COL21A1: variants seen among roughly 807,000 people sequenced by gnomAD.
COL21A1 encodes the protein collagen type XXI alpha 1 chain, also known as collagen alpha-1(XXI) chain.
COL21A1 carries 149 observed loss-of-function variants against 137.9 expected under a neutral mutation model. That is an observed-to-expected ratio of 1.08 (90% CI 0.95 to 1.24). The LOEUF (loss-of-function observed/expected upper bound fraction) is 1.24, where lower values mean the gene tolerates loss of function less well. Among genes scored for constraint, COL21A1 ranks in the 50% most tolerant of loss-of-function variants. The pLI, the probability that COL21A1 is intolerant of heterozygous loss-of-function variation, is 0.00. For missense variants in COL21A1, 1,167 were observed against 1,158.4 expected, an observed-to-expected ratio of 1.01 and a Z score of -0.11; for synonymous variants, 456 against 391.5, an observed-to-expected ratio of 1.16 and a Z score of -1.95.
At chr6:56,253,913 C>T (rs1388648270) in intron 1 of COL21A1, among the ~76,000 whole-genome samples, 1 of 152,168 alleles carries the variant, frequency 6.6e-6, no homozygotes, top group Non-Finnish European at 1.5e-5. Flanking sequence ...GCAAGTCTTA[C>T]TTCGGAAAGC....
chr6:56,168,135 C>A lies in COL21A1; in HGVS notation c.1189G>T (p.Glu397Ter). 1 of 1,518,832 alleles carries A rather than the reference C, an allele frequency of 6.6e-7. No homozygotes were observed. The highest frequency in any genetic ancestry group is 1.3e-5 in the South Asian group (1 of 76,444). The allele number at this position is 1,518,832 out of a possible 1,614,324, so 94.1% of individuals were successfully genotyped here. Residue 397 changes from glutamate to a stop codon, truncating the protein, a stop_gained, in exon 6 of 30, where the codon GAA becomes TAA. Coordinates refer to ENST00000244728, the MANE Select transcript of COL21A1 (RefSeq NM_030820.4). LOFTEE classifies it high-confidence loss of function. ...TQIGKYSGKE[E>*]TVQFDVQKLR... ...CATTATTTATCTACCTGAACAGTTT[C>A]TTCTTTTCCAGAATATTTTCCAATT... is the stretch of plus-strand genomic sequence containing the variant.
chr6:56,117,211 C>G (rs1031664647), intron 16 of COL21A1, among the ~76,000 whole-genome samples: 4 of 151,816 alleles, frequency 2.6e-5, no homozygotes, highest in African/African-American at 7.3e-5. Context: ...AAACACACTT[C>G]ACCTATAAAG....
chr6:56,298,998 A>G (rs1229709637), intron 1 of COL21A1, among the ~76,000 whole-genome samples: 1 of 152,136 alleles, frequency 6.6e-6, no homozygotes, highest in Non-Finnish European at 1.5e-5. Flanking sequence ...ACAGAATCAA[A>G]TAATTTTCTT....
intron 9 of COL21A1, among the ~76,000 whole-genome samples, chr6:56,158,266 C>CTTTTTTT (rs67453245): frequency 4.3e-4 from 27 of 62,402 alleles, no homozygotes; most frequent in East Asian, 1.1e-3. Flanking sequence ...TTTTTTTTTT[C>CTTTTTTT]TTTTTTTTTT....
intron 1 of COL21A1, among the ~76,000 whole-genome samples, chr6:56,224,686 G>A (rs1017997541): frequency 2.0e-5 from 3 of 151,870 alleles, no homozygotes; most frequent in African/African-American, 7.3e-5. Flanking sequence ...CGACATTATG[G>A]GCCGTTCTTT....
At chr6:56,210,989 TA>T (rs902429852) in intron 1 of COL21A1, among the ~76,000 whole-genome samples, 15 of 151,400 alleles carry the variant, frequency 9.9e-5, no homozygotes, top group Admixed American at 7.3e-4. Context: ...ATTCACCATT[TA>T]AAAAAAATGT....
chr6:56,303,628 G>A (rs192401581), intron 1 of COL21A1, among the ~76,000 whole-genome samples: 2 of 152,076 alleles, frequency 1.3e-5, no homozygotes, highest in South Asian at 4.2e-4. Flanking sequence ...AAGGAGATTT[G>A]GGGCTGAGAC....
chr6:56,348,260 T>C (rs1278782304), intron 1 of COL21A1, among the ~76,000 whole-genome samples: 1 of 152,220 alleles, frequency 6.6e-6, no homozygotes, highest in East Asian at 1.9e-4. Flanking sequence ...AGTAGAGACA[T>C]AAGGGCACAT....
At chr6:56,307,244 C>T (rs537604933) in intron 1 of COL21A1, among the ~76,000 whole-genome samples, 2 of 152,208 alleles carry the variant, frequency 1.3e-5, no homozygotes, top group Non-Finnish European at 2.9e-5. Flanking sequence ...CTACTCTCTT[C>T]AAAGCTGTAA....
intron 1 of COL21A1, among the ~76,000 whole-genome samples, chr6:56,345,719 G>A (rs1343181980): frequency 6.6e-6 from 1 of 152,238 alleles, no homozygotes; most frequent in Admixed American, 6.5e-5. Context: ...GAGCCAGTGT[G>A]TCTTTCAACA....
At chr6:56,201,211 G>A (rs1158745071) in intron 1 of COL21A1, among the ~76,000 whole-genome samples, 4 of 152,140 alleles carry the variant, frequency 2.6e-5, no homozygotes, top group Non-Finnish European at 5.9e-5. Flanking sequence ...TTAGCCCTTT[G>A]TCAGATGAGT....
intron 3 of COL21A1, among the ~76,000 whole-genome samples, chr6:56,177,719 G>T (rs577619169): frequency 2.7e-5 from 4 of 150,934 alleles, no homozygotes; most frequent in Admixed American, 2.0e-4. Flanking sequence ...ATGAACCCGG[G>T]AGGCGGAGCT....
intron 9 of COL21A1, among the ~76,000 whole-genome samples, chr6:56,157,291 T>C (rs562066850): frequency 2.5e-4 from 37 of 148,320 alleles, no homozygotes; most frequent in Non-Finnish European, 4.7e-4. Flanking sequence ...ATGATAGCAA[T>C]ATTTGACTCA....
intron 1 of COL21A1, among the ~76,000 whole-genome samples, chr6:56,335,922 C>G (rs1765321574): frequency 6.6e-6 from 1 of 152,166 alleles, no homozygotes; most frequent in Non-Finnish European, 1.5e-5. Flanking sequence ...CTGTGAGAGT[C>G]TGGGGGACTC....
At chr6:56,248,702 C>T (rs1351271954), upstream of COL21A1, among the ~76,000 whole-genome samples, 1 of 152,182 alleles carries the variant, frequency 6.6e-6, no homozygotes, top group African/African-American at 2.4e-5. Context: ...AAAGAAATGC[C>T]TTCTTCAATA....
In COL21A1 at chr6:56,326,385, A is replaced by G. The variant is rs538920157; in HGVS notation, c.-39+67586T>C. Among the ~76,000 whole-genome samples the G allele has an allele frequency of 5.9e-5, 9 of 151,882 alleles. No homozygotes were observed. The South Asian group carries it at 1.2e-3, about 21-fold the overall frequency. ...TCAAATAACCTGGAAAATTATAAAA[A>G]TGTATTGAGTTAGAAGCAAAAGGAT... On this transcript the variant is annotated intron_variant, in intron 1 of 28. Transcript: ENST00000370819.
intron 1 of COL21A1, among the ~76,000 whole-genome samples, chr6:56,339,497 G>C: frequency 6.6e-6 from 1 of 152,132 alleles, no homozygotes; most frequent in Non-Finnish European, 1.5e-5. Flanking sequence ...AAAAACAAAA[G>C]AGTTTTGAAT....
chr6:56,301,858 C>CCT (rs74644682), intron 1 of COL21A1, among the ~76,000 whole-genome samples: 23 of 151,460 alleles, frequency 1.5e-4, no homozygotes, highest in Non-Finnish European at 2.2e-4. Context: ...TATTTCTCCC[C>CCT]CCCCCAATCC....
intron 17 of COL21A1, among the ~76,000 whole-genome samples, chr6:56,084,312 C>G (rs938005465): frequency 6.6e-6 from 1 of 151,408 alleles, no homozygotes; most frequent in South Asian, 2.1e-4. Context: ...GTCTTATAAC[C>G]TTATATGGTA....
Sources: allele counts gnomAD v4.1 joint callset (sites outside exome capture counted in the v4.1 genomes callset), GRCh38; gene constraint gnomAD v4.1.1; transcripts MANE v1.5; gene names NCBI Gene and HGNC (gene_info 2026-07-23, HGNC 2026-07-21).